BRK1: variants seen among roughly 807,000 people sequenced by gnomAD.
The protein encoded by BRK1 is protein BRICK1.
BRK1 carries 6 observed loss-of-function variants against 9.9 expected under a neutral mutation model. That is an observed-to-expected ratio of 0.60 (90% CI 0.33 to 1.19). BRK1 has a LOEUF of 1.19. BRK1 is among the 50% of genes most tolerant of loss of function. BRK1 has a pLI of 0.04. For synonymous variants in BRK1, 44 were observed against 31.9 expected, an observed-to-expected ratio of 1.38 and a Z score of -1.28; for missense variants, 62 against 97.5, an observed-to-expected ratio of 0.64 and a Z score of 1.53.
chr3:10,117,632 A>G (rs375623278), intron 1 of BRK1, among the ~76,000 whole-genome samples: 2 of 152,064 alleles, frequency 1.3e-5, no homozygotes, highest in African/African-American at 4.8e-5. Flanking sequence ...CCTGAGCTCA[A>G]GTGATCCACC....
chr3:10,118,149 A>G lies in BRK1; in HGVS notation c.118+2330A>G, dbSNP rs546812101. 4.6e-5 allele frequency among the ~76,000 whole-genome samples: 7 copies of G among 151,324 alleles called. 1 individual carries two copies. In the South Asian group the frequency reaches 1.5e-3, roughly 32 times the overall value. ...ACACCTGTAATCCCAGCTACTCAGG[A>G]GGCTGAGGCAGGAGAATTGCTTGAA... On this transcript the variant is annotated intron_variant, in intron 1 of 2. Coordinates refer to ENST00000530758, the MANE Select transcript of BRK1 (RefSeq NM_018462.5).
intron 1 of BRK1, among the ~76,000 whole-genome samples, chr3:10,125,193 C>T (rs1001951626): frequency 1.3e-5 from 2 of 151,522 alleles, no homozygotes; most frequent in Admixed American, 6.6e-5. Context: ...ACCTTTGCCC[C>T]CCCCGGTTCA....
At chr3:10,115,874 G>T in intron 1 of BRK1, 55 bp downstream of exon 1, 2 of 1,439,508 alleles carry the variant, frequency 1.4e-6, no homozygotes. Context: ...AGGTGGTTGG[G>T]CTGGGGCGCC....
At chr3:10,116,131 C>T (rs957410819) in intron 1 of BRK1, among the ~76,000 whole-genome samples, 1 of 152,188 alleles carries the variant, frequency 6.6e-6, no homozygotes, top group African/African-American at 2.4e-5. Context: ...TAAGTGGTCT[C>T]CCTGCCTCCT....
intron 1 of BRK1, among the ~76,000 whole-genome samples, chr3:10,120,967 G>A (rs1695748174): frequency 6.6e-6 from 1 of 152,158 alleles, no homozygotes; most frequent in Non-Finnish European, 1.5e-5. Flanking sequence ...CGTGCTTTCA[G>A]ACTTCCAAAA....
chr3:10,122,623 A>C (rs998932513), intron 1 of BRK1, among the ~76,000 whole-genome samples: 2 of 152,118 alleles, frequency 1.3e-5, no homozygotes, highest in African/African-American at 4.8e-5. Flanking sequence ...CGGGAGGCTG[A>C]GGTGGAAGGA....
intron 1 of BRK1, among the ~76,000 whole-genome samples, chr3:10,120,580 G>A (rs966355700): frequency 6.6e-6 from 1 of 152,150 alleles, no homozygotes; most frequent in African/African-American, 2.4e-5. Context: ...GTTTCCTAAC[G>A]AGAACTGGTA....
At chr3:10,120,116 G>A (rs1695737217) in intron 1 of BRK1, among the ~76,000 whole-genome samples, 1 of 151,748 alleles carries the variant, frequency 6.6e-6, no homozygotes, top group Admixed American at 6.6e-5. Flanking sequence ...TGCAACCTCC[G>A]CCTCCCGGGT....
Position 10,123,732 on chromosome 3 carries a change from C to CTTTTTTTTTTTTTTTTTTT in BRK1, c.119-1891_119-1873dup, listed in dbSNP as rs71626962. Among the ~76,000 whole-genome samples the CTTTTTTTTTTTTTTTTTTT allele has an allele frequency of 2.6e-3, 129 of 48,690 alleles. 24 individuals are homozygous for CTTTTTTTTTTTTTTTTTTT. Among genetic ancestry groups the CTTTTTTTTTTTTTTTTTTT allele is most frequent in the African/African-American group, 7.8e-3 (52 of 6,698 alleles). 31.9% of individuals were successfully genotyped at this position (48,690 alleles called of 152,430 possible). ...ACAGGCCTGAGCCACCGTGCCTGGC[C>CTTTTTTTTTTTTTTTTTTT]TTTTTTTTTTTTTTTTTTTTTGAGA... On this transcript the variant is annotated intron_variant, in intron 1 of 2. Transcript: ENST00000530758.
intron 1 of BRK1, among the ~76,000 whole-genome samples, chr3:10,122,040 C>T (rs950369978): frequency 4.6e-5 from 7 of 151,844 alleles, no homozygotes; most frequent in African/African-American, 1.5e-4. Context: ...CAGGTGTGCG[C>T]CACCATGCTT....
intron 1 of BRK1, among the ~76,000 whole-genome samples, chr3:10,119,467 G>T (rs555923058): frequency 1.3e-5 from 2 of 152,124 alleles, no homozygotes; most frequent in South Asian, 2.1e-4. Context: ...CAAAGAAAAA[G>T]AATTTACTTT....
intron 1 of BRK1, among the ~76,000 whole-genome samples, chr3:10,124,146 A>G (rs1695803511): frequency 6.6e-6 from 1 of 151,976 alleles, no homozygotes; most frequent in African/African-American, 2.4e-5. Context: ...TTCATTTGCT[A>G]TTCCTGGCAT....
intron 1 of BRK1, 48 bp downstream of exon 1, chr3:10,115,867 T>C: frequency 6.7e-7 from 1 of 1,495,048 alleles, no homozygotes; most frequent in Non-Finnish European, 9.3e-7. Context: ...GCCGCTGAGG[T>C]GGTTGGGCTG....
intron 1 of BRK1, among the ~76,000 whole-genome samples, chr3:10,117,298 G>C (rs147582056): frequency 5.3e-5 from 8 of 151,918 alleles, no homozygotes; most frequent in Admixed American, 2.6e-4. Flanking sequence ...TAGGCAAGGA[G>C]ATATCAGCTT....
At chr3:10,115,927 C>A (rs372809889) in intron 1 of BRK1, 108 bp downstream of exon 1, 1 of 836,380 alleles carries the variant, frequency 1.2e-6, no homozygotes. Flanking sequence ...TCGGCTGTTG[C>A]GGGTTTTCAC....
intron 1 of BRK1, among the ~76,000 whole-genome samples, chr3:10,118,048 G>A (rs1662592308): frequency 6.6e-6 from 1 of 152,112 alleles, no homozygotes; most frequent in Admixed American, 6.6e-5. Flanking sequence ...CTGAGGTCGA[G>A]TTTGAGATCA....
chr3:10,115,722 G>T lies in BRK1; in HGVS notation c.21G>T (p.Pro7=), dbSNP rs1319060410. The change falls in exon 1 of 3, where the codon CCG becomes CCT. Residue 7 remains proline (P), a synonymous_variant. Coordinates refer to ENST00000530758, the MANE Select transcript of BRK1 (RefSeq NM_018462.5). MAGQED[P]VQREIHQDWA... ...CGGCCATGGCGGGACAGGAGGATCC[G>T]GTGCAGCGGGAGATTCACCAGGACT... 2 of 1,610,330 alleles carry T rather than the reference G, an allele frequency of 1.2e-6. No individual in the cohort carries two copies. The highest frequency in any genetic ancestry group is 3.3e-5 in the Admixed American group (2 of 59,872).
In BRK1 at chr3:10,126,619, T is replaced by C. The variant is rs763535451; in HGVS notation, c.*324T>C. The C allele has an allele frequency of 1.8e-5, 5 of 279,088 alleles. No homozygotes were observed. Among genetic ancestry groups the C allele is most frequent in the Non-Finnish European group, 3.4e-5 (5 of 147,292 alleles). 17.3% of individuals were successfully genotyped at this position (279,088 alleles called of 1,614,324 possible). ...GTGAAGGTCCTCCTCACCTCTATCT[T>C]TCTTTCTCTCTCTCTCAAACTTTCC... is the stretch of plus-strand genomic sequence containing the variant. On this transcript the variant is annotated 3_prime_UTR_variant, in exon 3 of 3. Coordinates refer to ENST00000530758, the MANE Select transcript of BRK1 (RefSeq NM_018462.5).
chr3:10,120,355 C>T (rs1468013781), intron 1 of BRK1, among the ~76,000 whole-genome samples: 1 of 152,136 alleles, frequency 6.6e-6, no homozygotes, highest in Non-Finnish European at 1.5e-5. Flanking sequence ...CAACCATGCC[C>T]AGCTACTTTT....
Sources: allele counts gnomAD v4.1 joint callset (sites outside exome capture counted in the v4.1 genomes callset), GRCh38; gene constraint gnomAD v4.1.1; transcripts MANE v1.5; gene names NCBI Gene and HGNC (gene_info 2026-07-23, HGNC 2026-07-21).